ZNF407: variants seen among roughly 807,000 people sequenced by gnomAD.
ZNF407 encodes zinc finger protein 407.
A neutral mutation model predicts 131.2 loss-of-function variants in ZNF407; 17 were observed. The ratio of observed to expected loss-of-function variants is 0.13; its 90% CI spans 0.09 to 0.19. ZNF407 has a LOEUF of 0.19. ZNF407 is among the 10% of genes least tolerant of loss of function. The pLI is 1.00. For synonymous variants in ZNF407, 1,156 were observed against 1,062.0 expected (o/e 1.09, Z -1.72); for missense variants, 2,681 against 2,830.6 (o/e 0.95, Z 1.20).
At chr18:74,650,432 T>G (rs1424758615) in intron 3 of ZNF407, among the ~76,000 whole-genome samples, 6 of 152,148 alleles carry the variant, frequency 3.9e-5, no homozygotes, top group Non-Finnish European at 8.8e-5. Flanking sequence ...GAAGCCCCAT[T>G]GAGATTTAGA....
intron 1 of ZNF407, among the ~76,000 whole-genome samples, chr18:74,601,102 G>A (rs896100195): frequency 1.3e-5 from 2 of 152,164 alleles, no homozygotes; most frequent in Admixed American, 6.5e-5. Flanking sequence ...GACAAGTCAA[G>A]GTGGACACTG....
At position 74,606,295 on chromosome 18, in the gene ZNF407, A is replaced by G. The variant is rs553682668; in HGVS notation, c.-54+8358A>G. ...TCAGGTTGAAGCTCATCATGTGTGT[A>G]ATGCTGAATTCTATCTGGAAAGGTG... is the stretch of plus-strand genomic sequence containing the variant. On this transcript the variant is annotated intron_variant, in intron 1 of 8. Coordinates refer to ENST00000299687, the MANE Select transcript of ZNF407 (RefSeq NM_017757.3). 2.2e-3 allele frequency among the ~76,000 whole-genome samples: 330 copies of G among 152,344 alleles called. 6 individuals carry two copies. Among genetic ancestry groups the G allele is most frequent in the African/African-American group, 7.0e-3 (291 of 41,578 alleles).
At chr18:74,847,721 AGT>A (rs1383989034) in intron 4 of ZNF407, among the ~76,000 whole-genome samples, 6 of 152,258 alleles carry the variant, frequency 3.9e-5, no homozygotes, top group African/African-American at 1.4e-4. Flanking sequence ...AGCATATTGC[AGT>A]GTGTGACCAT....
intron 3 of ZNF407, among the ~76,000 whole-genome samples, chr18:74,716,660 A>C (rs1331782294): frequency 6.6e-6 from 1 of 152,208 alleles, no homozygotes. Context: ...AAACAACACA[A>C]ATTTCTGAAG....
intron 1 of ZNF407, among the ~76,000 whole-genome samples, chr18:74,630,089 G>A (rs144453350): frequency 3.3e-4 from 50 of 151,698 alleles, no homozygotes; most frequent in Non-Finnish European, 6.5e-4. Context: ...GAGATTATAC[G>A]TGTTGTTCAT....
At chr18:74,848,576 CAG>C (rs1431698115) in intron 4 of ZNF407, among the ~76,000 whole-genome samples, 18 of 152,114 alleles carry the variant, frequency 1.2e-4, no homozygotes, top group African/African-American at 2.2e-4. Context: ...AACAAAGAAA[CAG>C]AATGTAAATT....
intron 3 of ZNF407, among the ~76,000 whole-genome samples, chr18:74,678,467 G>A (rs774826680): frequency 6.6e-6 from 1 of 152,270 alleles, no homozygotes; most frequent in Non-Finnish European, 1.5e-5. Context: ...CCTAGGCCCT[G>A]ATGGCTGTTA....
intron 4 of ZNF407, among the ~76,000 whole-genome samples, chr18:74,856,570 A>C (rs1970861930): frequency 6.6e-6 from 1 of 152,160 alleles, no homozygotes; most frequent in South Asian, 2.1e-4. Context: ...CATCCTTGGA[A>C]GTGTTTTCTG....
intron 8 of ZNF407, among the ~76,000 whole-genome samples, chr18:74,933,955 T>G (rs1380219741): frequency 6.6e-6 from 1 of 152,170 alleles, no homozygotes; most frequent in Non-Finnish European, 1.5e-5. Flanking sequence ...TAGGTAAAAA[T>G]TTATCCTCGT....
chr18:74,709,288 T>A (rs1460748004), intron 3 of ZNF407, among the ~76,000 whole-genome samples: 2 of 152,246 alleles, frequency 1.3e-5, no homozygotes, highest in African/African-American at 2.4e-5. Context: ...TAACATGGAA[T>A]TATTTCATTG....
chr18:74,676,586 A>G (rs62097631), intron 3 of ZNF407, among the ~76,000 whole-genome samples: 34,557 of 150,476 alleles, frequency 0.23, 4,858 homozygotes, highest in South Asian at 0.34. Context: ...ACAGGCGCCC[A>G]CCACCGTGCC....
At chr18:74,924,252 T>G (rs994344358) in intron 8 of ZNF407, among the ~76,000 whole-genome samples, 2 of 152,200 alleles carry the variant, frequency 1.3e-5, no homozygotes, top group African/African-American at 4.8e-5. Flanking sequence ...ATCCCAATAC[T>G]GAGACACAGT....
At chr18:74,900,028 T>A (rs1171345047) in intron 7 of ZNF407, among the ~76,000 whole-genome samples, 1 of 152,236 alleles carries the variant, frequency 6.6e-6, no homozygotes, top group Admixed American at 6.5e-5. Flanking sequence ...GGCATTCATT[T>A]GTTTGCGTAA....
intron 8 of ZNF407, among the ~76,000 whole-genome samples, chr18:75,033,998 A>G (rs1055313486): frequency 9.2e-5 from 14 of 152,224 alleles, no homozygotes; most frequent in African/African-American, 3.4e-4. Context: ...CAAGAGCTAT[A>G]ATGACTAGTC....
intron 1 of ZNF407, among the ~76,000 whole-genome samples, chr18:74,607,841 G>A (rs1432034516): frequency 6.6e-6 from 1 of 152,162 alleles, no homozygotes; most frequent in Admixed American, 6.5e-5. Flanking sequence ...AATAACATAG[G>A]TCATTTATCT....
intron 7 of ZNF407, chr18:74,906,081 C>T (rs1009530797): frequency 2.0e-5 from 3 of 153,218 alleles, no homozygotes; most frequent in African/African-American, 7.2e-5. Context: ...GTCTTGCCAC[C>T]ATACCTGCAT....
chr18:74,801,506 AT>A (rs1970018989), intron 4 of ZNF407, among the ~76,000 whole-genome samples: 1 of 152,160 alleles, frequency 6.6e-6, no homozygotes, highest in Admixed American at 6.5e-5. Flanking sequence ...TTAAGTTTTA[AT>A]TTTTTATTTT....
chr18:74,712,316 T>C (rs1375195661), intron 3 of ZNF407, among the ~76,000 whole-genome samples: 1 of 152,252 alleles, frequency 6.6e-6, no homozygotes, highest in Non-Finnish European at 1.5e-5. Flanking sequence ...CTGCTTCTTT[T>C]GGGTAATTGA....
chr18:74,913,188 G>A (rs1283361245), intron 7 of ZNF407, among the ~76,000 whole-genome samples: 1 of 152,192 alleles, frequency 6.6e-6, no homozygotes, highest in African/African-American at 2.4e-5. Context: ...ATTGACATTT[G>A]AAGCAATTCC....
Sources: allele counts gnomAD v4.1 joint callset (sites outside exome capture counted in the v4.1 genomes callset), GRCh38; gene constraint gnomAD v4.1.1; transcripts MANE v1.5; gene names NCBI Gene and HGNC (gene_info 2026-07-23, HGNC 2026-07-21).